The following PTPRK variants were observed in gnomAD, a reference collection of about 807,000 sequenced individuals.
The protein encoded by PTPRK is protein tyrosine phosphatase receptor type K, also known as receptor-type tyrosine-protein phosphatase kappa.
Under a neutral mutation model 178.0 loss-of-function variants are expected in PTPRK, and 75 were observed. That is an observed-to-expected ratio of 0.42 (90% CI 0.35 to 0.51). The LOEUF is 0.51. Among genes scored for constraint, PTPRK ranks in the 20% least tolerant of loss-of-function variants. The probability of loss-of-function intolerance (pLI) is 0.02; values close to 1 mark genes in which losing one functional copy is unlikely to be tolerated. For synonymous variants in PTPRK, 637 were observed against 620.6 expected, an observed-to-expected ratio of 1.03 and a Z score of -0.39; for missense variants, 1,441 against 1,797.8, an observed-to-expected ratio of 0.80 and a Z score of 3.59.
intron 2 of PTPRK, among the ~76,000 whole-genome samples, chr6:128,365,791 A>G (rs1185994645): frequency 6.6e-6 from 1 of 152,140 alleles, no homozygotes; most frequent in East Asian, 1.9e-4. Context: ...AAGTTAAATC[A>G]GTAACAAGGA....
In PTPRK at chr6:128,519,106, A is replaced by C. The variant is rs777724880; in HGVS notation, c.100+1153T>G. ...CACTGCGTCTCCATCTGCACCGCGA[A>C]CCCCAGCAGCAGATGCGCTCGCCAG... On this transcript the variant is annotated intron_variant, in intron 1 of 29. Coordinates refer to ENST00000368226, the MANE Select transcript of PTPRK (RefSeq NM_002844.4). The surrounding 1 kb of genome is among the most constrained non-coding windows in gnomAD (Gnocchi z 4.3). 3.8e-6 allele frequency: 2 copies of C among 530,608 alleles called. No individual in the cohort carries two copies. The highest frequency in any genetic ancestry group is 3.9e-5 in the African/African-American group (2 of 51,854). 32.9% of individuals were successfully genotyped at this position (530,608 alleles called of 1,614,324 possible). A position where few individuals can be genotyped will look rare whatever the true frequency, so the allele number is the denominator to read the frequency against.
At chr6:128,229,678 T>G (rs922763336) in intron 5 of PTPRK, among the ~76,000 whole-genome samples, 1 of 152,106 alleles carries the variant, frequency 6.6e-6, no homozygotes, top group Non-Finnish European at 1.5e-5. Context: ...TTTGGAGAGG[T>G]GCCCACTAAG....
intron 13 of PTPRK, among the ~76,000 whole-genome samples, chr6:128,012,558 T>C (rs1374614937): frequency 6.6e-6 from 1 of 151,294 alleles, no homozygotes; most frequent in Non-Finnish European, 1.5e-5. Context: ...ATCCCCAGTG[T>C]TCAGAAGCCA....
intron 3 of PTPRK, among the ~76,000 whole-genome samples, chr6:128,294,131 A>G (rs1440718197): frequency 2.0e-5 from 3 of 152,142 alleles, no homozygotes; most frequent in East Asian, 3.8e-4. Context: ...AACTAAGTAC[A>G]TTATTTAAAT....
chr6:128,245,801 G>A lies in PTPRK; in HGVS notation c.496-3199C>T, dbSNP rs567699825. 1.6e-3 allele frequency among the ~76,000 whole-genome samples: 241 copies of A among 152,232 alleles called. 4 individuals carry two copies. The highest frequency in any genetic ancestry group is 6.4e-3 in the South Asian group (31 of 4,830). ...AGGGCTTAGCAAGAAATAGAAAATA[G>A]TATTAAAAACTTTAAATAATGTATA... On this transcript the variant is annotated intron_variant, in intron 3 of 29. Transcript: ENST00000368226.
At chr6:128,329,382 AACACACACAC>A (rs149088868) in intron 2 of PTPRK, among the ~76,000 whole-genome samples, 162 of 145,728 alleles carry the variant, frequency 1.1e-3, no homozygotes, top group Admixed American at 3.6e-3. Context: ...TATATAGATA[AACACACACAC>A]ACACACACAC....
At chr6:128,410,955 G>C (rs1486031558) in intron 1 of PTPRK, among the ~76,000 whole-genome samples, 3 of 152,124 alleles carry the variant, frequency 2.0e-5, no homozygotes, top group Non-Finnish European at 4.4e-5. Context: ...GCAGTGGCAC[G>C]ATCTTGGCTC....
At chr6:128,516,451 G>T (rs1398782526) in intron 1 of PTPRK, among the ~76,000 whole-genome samples, 1 of 152,116 alleles carries the variant, frequency 6.6e-6, no homozygotes, top group Non-Finnish European at 1.5e-5. Context: ...TGATTAGAAC[G>T]TGGAGTTTTA....
At chr6:128,509,240 C>G (rs1856822461) in intron 1 of PTPRK, among the ~76,000 whole-genome samples, 1 of 152,074 alleles carries the variant, frequency 6.6e-6, no homozygotes, top group Non-Finnish European at 1.5e-5. Flanking sequence ...AATGTATCCC[C>G]CAGAGATATG....
intron 14 of PTPRK, chr6:128,008,096 G>A (rs1778634576): frequency 3.7e-6 from 5 of 1,335,412 alleles, no homozygotes; most frequent in Non-Finnish European, 5.0e-6. Flanking sequence ...ATCTCCAGGG[G>A]ATAATCGTAA....
At chr6:128,214,544 C>CATCATTATTATTATTATTATT (rs1554349429) in intron 6 of PTPRK, among the ~76,000 whole-genome samples, 2 of 149,952 alleles carry the variant, frequency 1.3e-5, no homozygotes, top group African/African-American at 4.9e-5. Flanking sequence ...ACCAGTGATG[C>CATCATTATTATTATTATTATT]ATTATTATTA....
At chr6:128,314,175 C>A (rs1415261389) in intron 3 of PTPRK, among the ~76,000 whole-genome samples, 1 of 152,200 alleles carries the variant, frequency 6.6e-6, no homozygotes, top group Non-Finnish European at 1.5e-5. Flanking sequence ...AATGCAGTTT[C>A]TAAGACTTCT....
At chr6:128,335,561 A>T (rs1464643696) in intron 2 of PTPRK, among the ~76,000 whole-genome samples, 1 of 152,020 alleles carries the variant, frequency 6.6e-6, no homozygotes, top group African/African-American at 2.4e-5. Flanking sequence ...TTCTGAGAAG[A>T]TGAAAGAAAA....
chr6:128,081,167 C>A (rs1784751454), intron 10 of PTPRK, among the ~76,000 whole-genome samples: 3 of 151,934 alleles, frequency 2.0e-5, no homozygotes, highest in Admixed American at 2.0e-4. Flanking sequence ...GGTAGAAAAC[C>A]TATCTCAGTG....
At chr6:128,130,266 T>C (rs1230385362) in intron 7 of PTPRK, among the ~76,000 whole-genome samples, 3 of 152,188 alleles carry the variant, frequency 2.0e-5, no homozygotes, top group Non-Finnish European at 4.4e-5. Flanking sequence ...TCTGCAAACA[T>C]TATATTTTCT....
chr6:128,266,709 A>T (rs1376933881), intron 3 of PTPRK, among the ~76,000 whole-genome samples: 1 of 152,118 alleles, frequency 6.6e-6, no homozygotes, highest in African/African-American at 2.4e-5. Flanking sequence ...GCCAAAGGGA[A>T]GAATCCAAGC....
intron 15 of PTPRK, among the ~76,000 whole-genome samples, chr6:128,001,497 T>A (rs1777829201): frequency 6.6e-6 from 1 of 152,002 alleles, no homozygotes; most frequent in African/African-American, 2.4e-5. Context: ...CAAAATTAAA[T>A]AAAATGTGTA....
chr6:128,000,217 T>C (rs1777648256), intron 15 of PTPRK: 1 of 1,108,604 alleles, frequency 9.0e-7, no homozygotes, highest in Non-Finnish European at 1.1e-6. Flanking sequence ...TGATATTTAA[T>C]TAACAGATAA....
intron 1 of PTPRK, among the ~76,000 whole-genome samples, chr6:128,433,397 A>T (rs1016621959): frequency 6.6e-6 from 1 of 152,118 alleles, no homozygotes; most frequent in Non-Finnish European, 1.5e-5. Flanking sequence ...TGTGCCTGGC[A>T]TATTTCACTT....
Sources: allele counts gnomAD v4.1 joint callset (sites outside exome capture counted in the v4.1 genomes callset), GRCh38; gene constraint gnomAD v4.1.1; non-coding constraint Gnocchi (gnomAD v3.1); transcripts MANE v1.5; gene names NCBI Gene and HGNC (gene_info 2026-07-23, HGNC 2026-07-21).